EHHADH: variants seen among roughly 807,000 people sequenced by gnomAD.
The protein encoded by EHHADH is peroxisomal bifunctional enzyme.
In EHHADH, 48 loss-of-function variants were observed where a neutral mutation model predicts 64.4. The ratio of observed to expected loss-of-function variants is 0.75; its 90% CI spans 0.59 to 0.95. The LOEUF (loss-of-function observed/expected upper bound fraction) is 0.95, where lower values mean the gene tolerates loss of function less well. Ranked by LOEUF, EHHADH falls within the 40% of genes least tolerant of loss-of-function variation. EHHADH has a pLI of 0.00. For synonymous variants in EHHADH, 308 were observed against 326.7 expected (o/e 0.94, Z 0.62); for missense variants, 854 against 876.6 (o/e 0.97, Z 0.33).
chr3:185,218,102 C>T, intron 5 of EHHADH, 34 bp downstream of exon 5: 1 of 1,475,492 alleles, frequency 6.8e-7, no homozygotes, highest in South Asian at 1.2e-5. Flanking sequence ...ATCCTGTTTA[C>T]AGTCTTTGGC....
intron 6 of EHHADH, 22 bp downstream of exon 6, chr3:185,204,394 A>T (rs538717513): frequency 6.4e-7 from 1 of 1,570,364 alleles, no homozygotes; most frequent in South Asian, 1.2e-5. Flanking sequence ...GGAGGATTCC[A>T]TTCATTACCC....
chr3:185,237,782 G>T (rs528522277), intron 2 of EHHADH, among the ~76,000 whole-genome samples: 370 of 152,112 alleles, frequency 2.4e-3, no homozygotes, highest in Non-Finnish European at 4.1e-3. Context: ...AGATTCGGGG[G>T]GTACATGTAC....
chr3:185,195,165 A>G (rs1370116749), intron 6 of EHHADH, among the ~76,000 whole-genome samples: 1 of 152,224 alleles, frequency 6.6e-6, no homozygotes, highest in African/African-American at 2.4e-5. Context: ...ATGGATGGAT[A>G]CATCTTTGTG....
intron 5 of EHHADH, among the ~76,000 whole-genome samples, chr3:185,213,392 A>G (rs1718601694): frequency 6.6e-6 from 1 of 152,158 alleles, no homozygotes; most frequent in South Asian, 2.1e-4. Context: ...ACCAAAAAGC[A>G]ATTTTGATGC....
Position 185,229,488 on chromosome 3 carries a change from G to A in EHHADH, c.407C>T (p.Thr136Ile), listed in dbSNP as rs764363316. ...TLGLLPGARG[T>I]QLLPRLTGVP... ...TCCAGTGAGTCTGGGGAGAAGCTGG[G>A]TTCCTCTTGCACCAGGGAGAAGTCC... The change falls in exon 4 of 7, where the codon ACC (threonine) becomes ATC (isoleucine). Residue 136 changes from threonine (T) to isoleucine (I), a missense_variant. Thr to Ile is a moderately conservative substitution (Grantham distance 89). Coordinates refer to ENST00000231887, the MANE Select transcript of EHHADH (RefSeq NM_001966.4). 2 of 1,576,260 alleles carry A rather than the reference G, an allele frequency of 1.3e-6. No homozygotes were observed. The highest frequency in any genetic ancestry group is 1.7e-6 in the Non-Finnish European group (2 of 1,158,598).
Position 185,191,102 on chromosome 3 carries a change from G to A in EHHADH, c.*1124C>T, listed in dbSNP as rs932333961. The A allele has an allele frequency of 6.6e-6, 1 of 152,066 alleles. No individual in the cohort carries two copies. The highest frequency in any genetic ancestry group is 2.4e-5 in the African/African-American group (1 of 41,398). The allele number at this position is 152,066 out of a possible 1,614,324, so 9.4% of individuals were successfully genotyped here. A position where few individuals can be genotyped will look rare whatever the true frequency, so the allele number is the denominator to read the frequency against. On this transcript the variant is annotated 3_prime_UTR_variant, in exon 7 of 7. Coordinates refer to ENST00000231887, the MANE Select transcript of EHHADH (RefSeq NM_001966.4). ...TCCCCATTCATCACCCCCAATTCTA[G>A]CCTTAGGCAACCACTAATGTACGGA... is the stretch of plus-strand genomic sequence containing the variant.
chr3:185,217,356 C>T (rs1019702470), intron 5 of EHHADH, among the ~76,000 whole-genome samples: 3 of 151,844 alleles, frequency 2.0e-5, no homozygotes, highest in South Asian at 2.1e-4. Flanking sequence ...ATGAGCCTGG[C>T]AAACATAGTG....
chr3:185,248,014 T>C (rs993378651), intron 2 of EHHADH: 1 of 161,164 alleles, frequency 6.2e-6, no homozygotes, highest in Non-Finnish European at 1.3e-5. Context: ...TTCAGATATG[T>C]TATCTCGCTT....
chr3:185,235,170 A>T, intron 3 of EHHADH, 120 bp downstream of exon 3: 48 of 883,824 alleles, frequency 5.4e-5, no homozygotes, highest in Non-Finnish European at 7.3e-5. Context: ...ACAGAGTGAG[A>T]CTCCATCTCA....
At chr3:185,222,003 T>A (rs879732041) in intron 4 of EHHADH, among the ~76,000 whole-genome samples, 4 of 152,184 alleles carry the variant, frequency 2.6e-5, no homozygotes, top group Non-Finnish European at 5.9e-5. Flanking sequence ...TATGGAGAAC[T>A]CCAAAAAGCT....
rs1718692172 is a variant in EHHADH at position 185,216,842 on chromosome 3, TG to T, written c.568+1293del. ...AATACTCTTCCCAATTATTTTTTTC[TG>T]GCTATTTTTACCCTCTCCATCTTGC... On this transcript the variant is annotated intron_variant, in intron 5 of 6. Coordinates refer to ENST00000231887, the MANE Select transcript of EHHADH (RefSeq NM_001966.4). This position sits in a 1 kb window ranked among gnomAD's most constrained non-coding sequence, Gnocchi z 5.3. 6.6e-6 allele frequency among the ~76,000 whole-genome samples: 1 copy of T among 151,570 alleles called. No homozygotes were observed. The highest frequency in any genetic ancestry group is 1.9e-4 in the East Asian group (1 of 5,180).
At chr3:185,236,389 C>T (rs1279120791) in intron 2 of EHHADH, among the ~76,000 whole-genome samples, 32 of 142,366 alleles carry the variant, frequency 2.2e-4, no homozygotes, top group Non-Finnish European at 4.2e-4. Flanking sequence ...AGGCCTGCAC[C>T]CCCACCCACT....
chr3:185,250,447 T>C (rs1405997590), intron 1 of EHHADH, among the ~76,000 whole-genome samples: 1 of 152,114 alleles, frequency 6.6e-6, no homozygotes. Flanking sequence ...AGGGGATTAA[T>C]AAGTACCAAG....
chr3:185,229,467 G>T lies in EHHADH; in HGVS notation c.428C>A (p.Thr143Asn). 6.4e-7 allele frequency: 1 copy of T among 1,568,356 alleles called. No homozygotes were observed. The highest frequency in any genetic ancestry group is 1.2e-5 in the South Asian group (1 of 80,682). Residue 143 changes from threonine to asparagine, a missense_variant, in exon 4 of 7, where the codon ACT becomes AAT. Physicochemically the swap from Thr to Asn is moderately conservative, Grantham distance 65 (BLOSUM62 0). Coordinates refer to ENST00000231887, the MANE Select transcript of EHHADH (RefSeq NM_001966.4). Reference protein sequence around the residue: ...ARGTQLLPRLTGVPAALDLIT... With the variant: ...ARGTQLLPRLNGVPAALDLIT... ...TAAGTCAAGTGCAGCAGGAACTCCA[G>T]TGAGTCTGGGGAGAAGCTGGGTTCC...
At chr3:185,231,617 G>A (rs1173104375) in intron 3 of EHHADH, among the ~76,000 whole-genome samples, 1 of 107,940 alleles carries the variant, frequency 9.3e-6, no homozygotes, top group African/African-American at 3.2e-5. Flanking sequence ...CCAGTCACAG[G>A]AGACCACATA....
chr3:185,248,866 C>G (rs992910635), intron 1 of EHHADH, among the ~76,000 whole-genome samples: 2 of 152,188 alleles, frequency 1.3e-5, no homozygotes, highest in African/African-American at 2.4e-5. Context: ...AAGGAGTTAT[C>G]CAATACTTGT....
At chr3:185,214,921 A>G (rs1718642159) in intron 5 of EHHADH, among the ~76,000 whole-genome samples, 1 of 152,158 alleles carries the variant, frequency 6.6e-6, no homozygotes, top group South Asian at 2.1e-4. Flanking sequence ...TCTATGGTAA[A>G]TTCCTAAGAA....
At chr3:185,220,782 AGAGTTTCTTCTCCAAC>A (rs746170807) in intron 4 of EHHADH, among the ~76,000 whole-genome samples, 3 of 152,222 alleles carry the variant, frequency 2.0e-5, no homozygotes, top group Non-Finnish European at 4.4e-5. Context: ...ACTGAGGTTG[AGAGTTTCTTCTCCAAC>A]CTGAGTAATC....
chr3:185,193,358 T>A lies in EHHADH; in HGVS notation c.1040A>T (p.Glu347Val), dbSNP rs754168526. 2.5e-6 allele frequency: 4 copies of A among 1,613,988 alleles called. No homozygotes were observed. The African/African-American group carries it at 5.3e-5, about 22-fold the overall frequency. The change falls in exon 7 of 7, where the codon GAA (glutamate) becomes GTA (valine). Residue 347 changes from glutamate to valine, a missense_variant. Coordinates refer to ENST00000231887, the MANE Select transcript of EHHADH (RefSeq NM_001966.4). ...NKMITSVLEK[E>V]ASKMQQSGHP... ...GCCGCTCTGTTGCATTTTGGAGGCT[T>A]CTTTTTCCAAGACAGAGGTTATCAT...
Sources: allele counts gnomAD v4.1 joint callset (sites outside exome capture counted in the v4.1 genomes callset), GRCh38; gene constraint gnomAD v4.1.1; non-coding constraint Gnocchi (gnomAD v3.1); transcripts MANE v1.5; gene names NCBI Gene and HGNC (gene_info 2026-07-23, HGNC 2026-07-21).